The following PTPN13 variants were observed in gnomAD, a reference collection of about 807,000 sequenced individuals.
The protein encoded by PTPN13 is protein tyrosine phosphatase non-receptor type 13.
In PTPN13, 191 loss-of-function variants were observed where a neutral mutation model predicts 284.0. That is an observed-to-expected ratio of 0.67 (90% confidence interval 0.60 to 0.76). The LOEUF is 0.76. PTPN13 is among the 30% of genes least tolerant of loss of function. The pLI, the probability that PTPN13 is intolerant of heterozygous loss-of-function variation, is 0.00. For synonymous variants in PTPN13, 986 were observed against 1,022.3 expected (o/e 0.96, Z 0.68); for missense variants, 2,797 against 2,939.9 (o/e 0.95, Z 1.12).
At chr4:86,636,107 A>G (rs1214702744) in intron 2 of PTPN13, among the ~76,000 whole-genome samples, 1 of 152,196 alleles carries the variant, frequency 6.6e-6, no homozygotes, top group Non-Finnish European at 1.5e-5. Context: ...TGACTTGATC[A>G]TGGCACAGAA....
intron 34 of PTPN13, 50 bp downstream of exon 34, chr4:86,775,392 G>A: frequency 6.2e-7 from 1 of 1,600,752 alleles, no homozygotes; most frequent in Non-Finnish European, 8.6e-7. Context: ...GTTAGCTTAA[G>A]AGTAAGTACT....
chr4:86,712,779 A>G (rs1172566849), intron 7 of PTPN13, among the ~76,000 whole-genome samples: 2 of 152,084 alleles, frequency 1.3e-5, no homozygotes, highest in Admixed American at 1.3e-4. Context: ...ATGATTTATT[A>G]TGTTTTTAAG....
At chr4:86,777,424 C>T (rs140148408) in intron 35 of PTPN13, among the ~76,000 whole-genome samples, 38 of 152,144 alleles carry the variant, frequency 2.5e-4, no homozygotes, top group African/African-American at 8.9e-4. Context: ...TTATTAGGAC[C>T]CCTGTGATTA....
chr4:86,722,134 T>G (rs747036838), intron 9 of PTPN13, 78 bp from the exon 10 acceptor site: 36 of 1,227,990 alleles, frequency 2.9e-5, no homozygotes, highest in Non-Finnish European at 4.1e-5. Flanking sequence ...CAACCTTACT[T>G]AAAATGAAAT....
At chr4:86,648,055 G>A (rs1056958481) in intron 2 of PTPN13, among the ~76,000 whole-genome samples, 1 of 151,886 alleles carries the variant, frequency 6.6e-6, no homozygotes, top group African/African-American at 2.4e-5. Context: ...AATCTCAATG[G>A]AGATCTTCAA....
At chr4:86,752,374 T>G (rs1737496799) in intron 19 of PTPN13, among the ~76,000 whole-genome samples, 1 of 152,192 alleles carries the variant, frequency 6.6e-6, no homozygotes, top group South Asian at 2.1e-4. Flanking sequence ...TTTATTAATG[T>G]AGGCTTTCGC....
intron 7 of PTPN13, among the ~76,000 whole-genome samples, chr4:86,703,689 A>G (rs950505892): frequency 6.6e-6 from 1 of 152,036 alleles, no homozygotes; most frequent in African/African-American, 2.4e-5. Context: ...CAATATAGCA[A>G]GACCTCATAT....
At chr4:86,803,606 A>G in intron 42 of PTPN13, 103 bp from the exon 43 acceptor site, 1 of 1,209,554 alleles carries the variant, frequency 8.3e-7, no homozygotes, top group Non-Finnish European at 1.2e-6. Context: ...ATAAATAAAT[A>G]GACTTTCCCT....
intron 2 of PTPN13, among the ~76,000 whole-genome samples, chr4:86,668,464 G>A (rs985972656): frequency 4.6e-5 from 7 of 152,120 alleles, no homozygotes; most frequent in Non-Finnish European, 7.3e-5. Flanking sequence ...AATCCAGTAC[G>A]TAAATGTCAT....
intron 1 of PTPN13, among the ~76,000 whole-genome samples, chr4:86,621,482 A>C (rs1721236751): frequency 6.6e-6 from 1 of 152,162 alleles, no homozygotes; most frequent in South Asian, 2.1e-4. Context: ...CTGAAAAAGC[A>C]AGTGTTTTTT....
chr4:86,598,942 A>G (rs1764059965), intron 1 of PTPN13, among the ~76,000 whole-genome samples: 1 of 152,054 alleles, frequency 6.6e-6, no homozygotes. Context: ...TATTTTTTGT[A>G]GAGATAATGG....
At chr4:86,690,958 C>A (rs1169077171) in intron 5 of PTPN13, among the ~76,000 whole-genome samples, 1 of 151,784 alleles carries the variant, frequency 6.6e-6, no homozygotes, top group Admixed American at 6.6e-5. Flanking sequence ...ATGCCATAAC[C>A]ATTTGCTTAA....
rs61757795 is a variant in PTPN13 at position 86,803,812 on chromosome 4, C to T, written c.6609C>T (p.Val2203=). ...TGANLKSVIR[V]LRGLLDQGIP... Reference sequence around the variant, plus strand: ...CCAACTTAAAATCAGTCATTCGAGTCCTGCGGGGTTTGCTAGATCAAGGAA... The same window carrying T: ...CCAACTTAAAATCAGTCATTCGAGTTCTGCGGGGTTTGCTAGATCAAGGAA... The change falls in exon 43 of 48, where the codon GTC becomes GTT. Residue 2203 remains valine, a synonymous_variant. Coordinates refer to ENST00000411767, the MANE Select transcript of PTPN13 (RefSeq NM_080683.3). 6.7e-4 allele frequency: 1,081 copies of T among 1,613,818 alleles called. 5 individuals carry two copies. In the African/African-American group the frequency reaches 0.011, roughly 17 times the overall value.
At position 86,763,018 on chromosome 4, in the gene PTPN13, C is replaced by T. The variant is rs1488937120; in HGVS notation, c.3845C>T (p.Pro1282Leu). The change falls in exon 24 of 48, where the codon CCT (proline) becomes CTT (leucine). Residue 1282 changes from proline to leucine, a missense_variant. Transcript: ENST00000411767. Reference protein sequence around the residue: ...QTWQESQHGSPSPSVISKATE... With the variant: ...QTWQESQHGSLSPSVISKATE... ...TGGCAGGAATCACAGCATGGCAGCCCTTCCCCATCTGTAATATCCAAAGCC... is the reference window on the plus strand; with the variant it reads ...TGGCAGGAATCACAGCATGGCAGCCTTTCCCCATCTGTAATATCCAAAGCC... 2 of 1,613,510 alleles carry T rather than the reference C, an allele frequency of 1.2e-6. No individual in the cohort carries two copies. Among genetic ancestry groups the T allele is most frequent in the Non-Finnish European group, 1.7e-6 (2 of 1,179,814 alleles).
chr4:86,765,977 A>C (rs1005988960), intron 26 of PTPN13, among the ~76,000 whole-genome samples: 17 of 151,964 alleles, frequency 1.1e-4, no homozygotes, highest in African/African-American at 4.1e-4. Flanking sequence ...ACAGGCGCCC[A>C]CCACCATGCC....
In PTPN13 at chr4:86,761,136, G is replaced by A. The variant is rs866600165; in HGVS notation, c.3554-1591G>A. ...ATATATATGTGATGTGTGTGTGTGT[G>A]TAAATATATATATATATATATATAT... is the stretch of plus-strand genomic sequence containing the variant. On this transcript the variant is annotated intron_variant, in intron 23 of 47. Coordinates refer to ENST00000411767, the MANE Select transcript of PTPN13 (RefSeq NM_080683.3). Among the ~76,000 whole-genome samples, 476 of 66,032 alleles carry A rather than the reference G, an allele frequency of 7.2e-3. 5 individuals carry two copies. The highest frequency in any genetic ancestry group is 0.026 in the African/African-American group (462 of 17,800). 43.3% of individuals were successfully genotyped at this position (66,032 alleles called of 152,430 possible).
At chr4:86,787,689 TATCAAA>T (rs1742111784) in intron 40 of PTPN13, among the ~76,000 whole-genome samples, 1 of 152,242 alleles carries the variant, frequency 6.6e-6, no homozygotes, top group Non-Finnish European at 1.5e-5. Context: ...CCACTGTGCA[TATCAAA>T]ACATAAATAT....
At chr4:86,808,165 C>G (rs1393863627) in intron 45 of PTPN13, among the ~76,000 whole-genome samples, 2 of 152,140 alleles carry the variant, frequency 1.3e-5, no homozygotes, top group Non-Finnish European at 2.9e-5. Context: ...GATTATCATC[C>G]TTGGTGATAG....
At chr4:86,775,090 G>T in intron 33 of PTPN13, 81 bp from the exon 34 acceptor site, 1 of 974,530 alleles carries the variant, frequency 1.0e-6, no homozygotes, top group East Asian at 2.7e-5. Flanking sequence ...TAAATTAGGA[G>T]GATTATTGTA....
Sources: allele counts gnomAD v4.1 joint callset (sites outside exome capture counted in the v4.1 genomes callset), GRCh38; gene constraint gnomAD v4.1.1; transcripts MANE v1.5; gene names NCBI Gene and HGNC (gene_info 2026-07-23, HGNC 2026-07-21).